The following GPR83 variants were observed in gnomAD, a reference collection of about 807,000 sequenced individuals.
GPR83 encodes G-protein coupled receptor 72.
GPR83 carries 23 observed loss-of-function variants against 28.0 expected under a neutral mutation model. The ratio of observed to expected loss-of-function variants is 0.82; its 90% CI spans 0.59 to 1.16. The LOEUF is 1.16. Ranked by LOEUF, GPR83 falls within the 50% of genes most tolerant of loss-of-function variation. The probability of loss-of-function intolerance (pLI) is 0.00; values close to 1 mark genes in which losing one functional copy is unlikely to be tolerated. For missense variants in GPR83, 610 were observed against 536.6 expected, an observed-to-expected ratio of 1.14 and a Z score of -1.35; for synonymous variants, 234 against 215.4, an observed-to-expected ratio of 1.09 and a Z score of -0.76.
intron 3 of GPR83, among the ~76,000 whole-genome samples, chr11:94,389,545 T>TGCA (rs1162632077): frequency 2.6e-5 from 4 of 152,220 alleles, no homozygotes; most frequent in Non-Finnish European, 5.9e-5. Flanking sequence ...AAGACATTTA[T>TGCA]GCAGCCAACA....
Position 94,396,469 on chromosome 11 carries a change from C to A in GPR83, c.443G>T (p.Arg148Leu), listed in dbSNP as rs201742760. ...IFGKGMCHVS[R>L]FAQYCSLHVS... ...GTGCAGTGAGCAGTACTGGGCAAAG[C>A]GGCTGACATGGCACATGCCCTTCCC... The change falls in exon 2 of 4, where the codon CGC (arginine) becomes CTC (leucine). Residue 148 changes from arginine to leucine, a missense_variant. Coordinates refer to ENST00000243673, the MANE Select transcript of GPR83 (RefSeq NM_016540.4). 1.1e-5 allele frequency: 17 copies of A among 1,613,922 alleles called. No homozygotes were observed. The highest frequency in any genetic ancestry group is 1.2e-5 in the Non-Finnish European group (14 of 1,179,910).
At chr11:94,383,595 A>G (rs1415120503) in intron 3 of GPR83, among the ~76,000 whole-genome samples, 2 of 152,194 alleles carry the variant, frequency 1.3e-5, no homozygotes, top group Non-Finnish European at 2.9e-5. Context: ...TAGAAGACTA[A>G]TAAAGAAGAA....
intron 3 of GPR83, among the ~76,000 whole-genome samples, chr11:94,382,503 C>A (rs1272004944): frequency 6.6e-6 from 1 of 152,136 alleles, no homozygotes; most frequent in South Asian, 2.1e-4. Flanking sequence ...TATATATGCA[C>A]CCAATACAGG....
At chr11:94,394,776 G>A (rs1781546610) in intron 2 of GPR83, among the ~76,000 whole-genome samples, 1 of 152,170 alleles carries the variant, frequency 6.6e-6, no homozygotes, top group Non-Finnish European at 1.5e-5. Context: ...TGGCAGCCTG[G>A]GGCAGAGGCT....
At chr11:94,395,205 T>C (rs934136259) in intron 2 of GPR83, among the ~76,000 whole-genome samples, 1 of 152,230 alleles carries the variant, frequency 6.6e-6, no homozygotes, top group Non-Finnish European at 1.5e-5. Flanking sequence ...TGCTCTAATA[T>C]GGCTGGTGAC....
At chr11:94,381,819 G>A (rs924712960) in intron 3 of GPR83, among the ~76,000 whole-genome samples, 1 of 152,110 alleles carries the variant, frequency 6.6e-6, no homozygotes, top group Non-Finnish European at 1.5e-5. Context: ...CGGAGAAATA[G>A]GAAAGCCCAG....
intron 3 of GPR83, among the ~76,000 whole-genome samples, chr11:94,384,596 G>A (rs1565184740): frequency 6.6e-6 from 1 of 152,168 alleles, no homozygotes; most frequent in African/African-American, 2.4e-5. Flanking sequence ...CCTAGCCAAG[G>A]AAAGGGGTGA....
At chr11:94,388,494 T>C (rs1207335239) in intron 3 of GPR83, among the ~76,000 whole-genome samples, 1 of 152,190 alleles carries the variant, frequency 6.6e-6, no homozygotes, top group Non-Finnish European at 1.5e-5. Flanking sequence ...ATAAAATCAA[T>C]GTGCAAAAAT....
intron 3 of GPR83, among the ~76,000 whole-genome samples, chr11:94,381,528 T>G (rs2096763): frequency 0.53 from 79,689 of 150,870 alleles, 21,609 homozygotes; most frequent in East Asian, 0.64. Context: ...CCTGTTTCTC[T>G]TGACCCTGCT....
chr11:94,380,876 C>T, intron 3 of GPR83, 103 bp from the exon 4 acceptor site: 1 of 939,358 alleles, frequency 1.1e-6, no homozygotes, highest in Non-Finnish European at 1.6e-6. Context: ...CCACTGGGCT[C>T]CTGGTACATC....
chr11:94,386,032 G>C (rs1312099921), intron 3 of GPR83, among the ~76,000 whole-genome samples: 1 of 152,160 alleles, frequency 6.6e-6, no homozygotes, highest in African/African-American at 2.4e-5. Context: ...GAAGAGAGTG[G>C]GGGCCAATAT....
chr11:94,401,146 G>A lies in GPR83; in HGVS notation c.102C>T (p.Ala34=), dbSNP rs368956996. 9.9e-6 allele frequency: 16 copies of A among 1,614,094 alleles called. No homozygotes were observed. Among genetic ancestry groups the A allele is most frequent in the African/African-American group, 1.3e-5 (1 of 74,954 alleles). Residue 34 remains alanine, a synonymous_variant, in exon 1 of 4, where the codon GCC becomes GCT. Transcript: ENST00000243673. ...AGAAGAAGTGCGAGGCATTGGGCAC[G>A]GCCAGGGCCGCCTCCGCGCTCTGCT... is the stretch of plus-strand genomic sequence containing the variant. ...ADEQSAEAAL[A]VPNASHFFSW... is the part of the protein sequence containing the mutation.
chr11:94,387,443 A>G (rs1944771415), intron 3 of GPR83, among the ~76,000 whole-genome samples: 1 of 152,222 alleles, frequency 6.6e-6, no homozygotes, highest in Non-Finnish European at 1.5e-5. Flanking sequence ...AGACTAATAA[A>G]GAAGAAAAGA....
At chr11:94,392,784 C>T (rs535715583) in intron 3 of GPR83, among the ~76,000 whole-genome samples, 1 of 151,970 alleles carries the variant, frequency 6.6e-6, no homozygotes, top group Non-Finnish European at 1.5e-5. Flanking sequence ...TGAGATCCTG[C>T]CATTGTACTC....
At chr11:94,382,511 A>G (rs1944703318) in intron 3 of GPR83, among the ~76,000 whole-genome samples, 1 of 152,148 alleles carries the variant, frequency 6.6e-6, no homozygotes, top group Admixed American at 6.5e-5. Flanking sequence ...CACCCAATAC[A>G]GGAGCACCCA....
rs767116796 is a variant in GPR83, at chr11:94,380,463, T to C, written c.958A>G (p.Ile320Val). ...CYVLLLSSKV[I>V]RTNNALYFAF... Reference sequence around the variant, plus strand: ...AAGTAGAGGGCATTGTTGGTGCGGATGACCTTGCTGGACAGGAGGAGGACG... The same window carrying C: ...AAGTAGAGGGCATTGTTGGTGCGGACGACCTTGCTGGACAGGAGGAGGACG... Residue 320 changes from isoleucine to valine, a missense_variant, in exon 4 of 4, where the codon ATC (isoleucine) becomes GTC (valine). By Grantham distance (29) the Ile-to-Val change is conservative. Coordinates refer to ENST00000243673, the MANE Select transcript of GPR83 (RefSeq NM_016540.4). The C allele has an allele frequency of 1.9e-6, 3 of 1,614,184 alleles. No individual in the cohort carries two copies. Among genetic ancestry groups the C allele is most frequent in the Non-Finnish European group, 2.5e-6 (3 of 1,180,016 alleles).
chr11:94,401,019 C>T lies in GPR83; in HGVS notation c.229G>A (p.Ala77Thr). The change falls in exon 1 of 4, where the codon GCT becomes ACT. Residue 77 changes from alanine to threonine, a missense_variant. Physicochemically the swap from Ala to Thr is moderately conservative, Grantham distance 58. Transcript: ENST00000243673. ...GAGAAGACAATGATGAAGGAGTAAG[C>T]CACAATGAGCAGGGCTTTCACCGTG... ...NPTVKALLIV[A>T]YSFIIVFSLF... is the part of the protein sequence containing the mutation. 1.2e-6 allele frequency: 2 copies of T among 1,614,142 alleles called. No homozygotes were observed. The highest frequency in any genetic ancestry group is 2.7e-5 in the African/African-American group (2 of 75,062).
intron 3 of GPR83, among the ~76,000 whole-genome samples, chr11:94,388,835 T>C (rs1944785074): frequency 1.3e-5 from 2 of 152,252 alleles, no homozygotes; most frequent in South Asian, 2.1e-4. Flanking sequence ...TTAAAGTTCA[T>C]ATGGAACCAA....
chr11:94,399,410 G>T (rs1053978307), intron 1 of GPR83, among the ~76,000 whole-genome samples: 10 of 152,206 alleles, frequency 6.6e-5, no homozygotes, highest in Non-Finnish European at 1.0e-4. Context: ...CAGCTGGCTG[G>T]TTAGTGGACC....
Sources: gnomAD v4.1 joint callset for allele counts (sites outside exome capture counted in the v4.1 genomes callset) on GRCh38, gnomAD v4.1.1 for gene constraint, MANE v1.5 for transcripts, NCBI Gene and HGNC (gene_info 2026-07-23, HGNC 2026-07-21) for gene names.